Variants in PRPF6 observed in about 807,000 individuals in gnomAD.
PRPF6 encodes the protein pre-mRNA processing factor 6.
In PRPF6, 42 loss-of-function variants were observed where a neutral mutation model predicts 118.3. The observed-to-expected ratio is 0.35, with a 90% confidence interval of 0.28 to 0.46. PRPF6 has a LOEUF of 0.46. PRPF6 is among the 20% of genes least tolerant of loss of function. PRPF6 has a pLI of 1.00. For synonymous variants in PRPF6, 481 were observed against 485.1 expected, an observed-to-expected ratio of 0.99 and a Z score of 0.11; for missense variants, 662 against 1,255.7, an observed-to-expected ratio of 0.53 and a Z score of 7.15.
rs756778980 is a variant in PRPF6, at chr20:64,029,945, C to T, written c.2546+454C>T. Reference sequence around the variant, plus strand: ...ATGTGATTCACACTGGTGTGCTGGCCGCCGGGTCAGAGACTCACTGGGGAC... The same window carrying T: ...ATGTGATTCACACTGGTGTGCTGGCTGCCGGGTCAGAGACTCACTGGGGAC... On this transcript the variant is annotated intron_variant, in intron 19 of 20. Transcript: ENST00000266079. The surrounding 1 kb of genome is among the most constrained non-coding windows in gnomAD (Gnocchi z 4.8). 8.0e-5 allele frequency among the ~76,000 whole-genome samples: 12 copies of T among 150,384 alleles called. No individual in the cohort carries two copies. The highest frequency in any genetic ancestry group is 1.2e-4 in the Non-Finnish European group (8 of 67,686).
intron 1 of PRPF6, among the ~76,000 whole-genome samples, chr20:63,982,484 CAG>C (rs2059074889): frequency 6.6e-6 from 1 of 152,120 alleles, no homozygotes; most frequent in Non-Finnish European, 1.5e-5. Context: ...ATTTTTTACT[CAG>C]AGCTGTGTTT....
Position 64,026,077 on chromosome 20 carries a change from G to T in PRPF6, c.2028+19G>T. The T allele has an allele frequency of 1.2e-6, 2 of 1,600,290 alleles. No individual in the cohort carries two copies. The highest frequency in any genetic ancestry group is 8.5e-7 in the Non-Finnish European group (1 of 1,179,506). On this transcript the variant is annotated intron_variant, in intron 15 of 20. Coordinates refer to ENST00000266079, the MANE Select transcript of PRPF6 (RefSeq NM_012469.4). The surrounding 1 kb of genome is among the most constrained non-coding windows in gnomAD (Gnocchi z 4.4). ...CGCCCGGGTACGCAGTGGCAGGCAGGGCTGGGCCGTCTGGGGTGCATGGTG... is the reference window on the plus strand; with the variant it reads ...CGCCCGGGTACGCAGTGGCAGGCAGTGCTGGGCCGTCTGGGGTGCATGGTG...
rs2059290609 is a variant in PRPF6 at position 64,026,329 on chromosome 20, A to G, written c.2028+271A>G. On this transcript the variant is annotated intron_variant, in intron 15 of 20. Transcript: ENST00000266079. The surrounding 1 kb of genome is among the most constrained non-coding windows in gnomAD (Gnocchi z 4.4). The stretch of plus-strand genomic sequence containing the variant: ...TGAGACCAGCCTGACCAACATGGAG[A>G]AACCCCGTCTCTACTAAAAATACAA... Among the ~76,000 whole-genome samples the G allele has an allele frequency of 6.6e-6, 1 of 151,610 alleles. No homozygotes were observed.
rs569135893 is a variant in PRPF6 at position 63,993,260 on chromosome 20, G to A, written c.360-147G>A. ...TGTGTGTGTGTGTGTGTGTGTGTGT[G>A]TGTATATGTATATATATATATATAT... is the stretch of plus-strand genomic sequence containing the variant. On this transcript the variant is annotated intron_variant, in intron 3 of 20. Coordinates refer to ENST00000266079, the MANE Select transcript of PRPF6 (RefSeq NM_012469.4). 395 of 389,598 alleles carry A rather than the reference G, an allele frequency of 1.0e-3. 3 individuals carry two copies. Among genetic ancestry groups the A allele is most frequent in the South Asian group, 1.9e-3 (82 of 42,122 alleles). The allele number at this position is 389,598 out of a possible 1,614,324, so 24.1% of individuals were successfully genotyped here. A position where few individuals can be genotyped will look rare whatever the true frequency, so the allele number is the denominator to read the frequency against.
intron 9 of PRPF6, among the ~76,000 whole-genome samples, chr20:64,006,994 G>C (rs549383351): frequency 6.6e-6 from 1 of 152,242 alleles, no homozygotes; most frequent in Non-Finnish European, 1.5e-5. Flanking sequence ...AACCACAGCA[G>C]ACTTTTGTCT....
chr20:64,000,593 G>C (rs1369955745), intron 8 of PRPF6, among the ~76,000 whole-genome samples: 1 of 116,990 alleles, frequency 8.5e-6, no homozygotes, highest in South Asian at 2.8e-4. Flanking sequence ...CTTTTTTTTT[G>C]AGTCTCGCTC....
rs369979876 is a variant in PRPF6 at position 64,026,118 on chromosome 20, C to A, written c.2028+60C>A. The stretch of plus-strand genomic sequence containing the variant: ...GTGCATGGTGTGCACATGCGGGCCC[C>A]ACGCCTGGCTTGGGTGGTGATGGGA... On this transcript the variant is annotated intron_variant, in intron 15 of 20. Transcript: ENST00000266079. The surrounding 1 kb of genome is among the most constrained non-coding windows in gnomAD (Gnocchi z 4.4). The A allele has an allele frequency of 3.2e-3, 5,178 of 1,594,138 alleles. 167 individuals carry two copies. In the South Asian group the frequency reaches 0.048, roughly 15 times the overall value.
intron 19 of PRPF6, 135 bp from the exon 20 acceptor site, chr20:64,031,783 A>T: frequency 8.4e-6 from 10 of 1,194,592 alleles, no homozygotes; most frequent in Non-Finnish European, 1.1e-5. Flanking sequence ...CGAGGCCCTG[A>T]TCCTCAGGCC....
chr20:63,983,222 T>C lies in PRPF6; in HGVS notation c.240+7T>C, dbSNP rs750207863. On this transcript the variant is annotated splice_region_variant and intron_variant, in intron 2 of 20. Transcript: ENST00000266079. ...TGACACCAATTACGATGAGGTGAGATGTGTCCGGCTTTCGTGGCTCCTCCA... is the reference window on the plus strand; with the variant it reads ...TGACACCAATTACGATGAGGTGAGACGTGTCCGGCTTTCGTGGCTCCTCCA... 1.2e-6 allele frequency: 2 copies of C among 1,614,182 alleles called. No individual in the cohort carries two copies. The highest frequency in any genetic ancestry group is 2.7e-5 in the African/African-American group (2 of 75,060).
intron 3 of PRPF6, among the ~76,000 whole-genome samples, chr20:63,987,169 C>CAAAAAA (rs61702884): frequency 5.7e-5 from 3 of 52,450 alleles, no homozygotes; most frequent in Admixed American, 5.8e-4. Context: ...GACCCTGTCT[C>CAAAAAA]AAAAAAAAAA....
chr20:64,014,936 G>A (rs2059230626), intron 11 of PRPF6, among the ~76,000 whole-genome samples: 2 of 152,202 alleles, frequency 1.3e-5, no homozygotes, highest in South Asian at 2.1e-4. Context: ...GGAATCACAC[G>A]ACACGTGGTC....
chr20:63,988,727 G>C (rs1038274762), intron 3 of PRPF6, among the ~76,000 whole-genome samples: 1 of 151,812 alleles, frequency 6.6e-6, no homozygotes, highest in African/African-American at 2.4e-5. Flanking sequence ...AAATTAGTTG[G>C]GCATGGTGAC....
intron 13 of PRPF6, among the ~76,000 whole-genome samples, chr20:64,023,123 G>A (rs1412474095): frequency 2.6e-5 from 4 of 152,328 alleles, no homozygotes; most frequent in African/African-American, 4.8e-5. Flanking sequence ...CCGGGGGCCC[G>A]TCCTGCTAAG....
rs1306196291 is a variant in PRPF6, at chr20:63,983,183, G to A, written c.208G>A (p.Asp70Asn). ...MKKNQAADDD[D>N]EDLNDTNYDE... ...GAAAAATCAGGCTGCTGACGATGAC[G>A]ACGAGGATCTAAATGACACCAATTA... The change falls in exon 2 of 21, where the codon GAC becomes AAC. Residue 70 changes from aspartate to asparagine, a missense_variant. Asp to Asn is a conservative substitution (Grantham distance 23). Coordinates refer to ENST00000266079, the MANE Select transcript of PRPF6 (RefSeq NM_012469.4). The A allele has an allele frequency of 1.9e-6, 3 of 1,614,106 alleles. No homozygotes were observed. Among genetic ancestry groups the A allele is most frequent in the African/African-American group, 1.3e-5 (1 of 74,938 alleles).
chr20:63,986,293 C>T (rs1024708838), intron 3 of PRPF6, among the ~76,000 whole-genome samples: 5 of 140,464 alleles, frequency 3.6e-5, no homozygotes, highest in African/African-American at 8.1e-5. Context: ...TGCAGTGAGC[C>T]GAGGTCACAA....
intron 1 of PRPF6, among the ~76,000 whole-genome samples, chr20:63,982,415 C>T (rs1465382066): frequency 6.6e-6 from 1 of 152,158 alleles, no homozygotes; most frequent in Non-Finnish European, 1.5e-5. Flanking sequence ...CATGATCCAC[C>T]CGCCTCCGTC....
At chr20:64,009,253 C>T (rs2059203644) in intron 9 of PRPF6, among the ~76,000 whole-genome samples, 2 of 141,214 alleles carry the variant, frequency 1.4e-5, no homozygotes, top group African/African-American at 2.7e-5. Flanking sequence ...TGCACTCCAG[C>T]CTGGCGACAG....
At chr20:64,017,067 C>G (rs756152616) in intron 12 of PRPF6, among the ~76,000 whole-genome samples, 2 of 152,124 alleles carry the variant, frequency 1.3e-5, no homozygotes, top group Non-Finnish European at 1.5e-5. Flanking sequence ...CTCAGCCTCC[C>G]GAGTAGCTGG....
chr20:63,981,284 G>A lies in PRPF6; in HGVS notation c.39G>A (p.Ala13=), dbSNP rs1292973900. The A allele has an allele frequency of 1.9e-6, 3 of 1,607,592 alleles. No individual in the cohort carries two copies. The highest frequency in any genetic ancestry group is 2.5e-6 in the Non-Finnish European group (3 of 1,177,196). ...AGAAACCGTTCCTAGGGATGCCCGCGCCCCTCGGCTACGTGCCGGGGCTGG... is the reference window on the plus strand; with the variant it reads ...AGAAACCGTTCCTAGGGATGCCCGCACCCCTCGGCTACGTGCCGGGGCTGG... ...KKKKPFLGMP[A]PLGYVPGLGR... Residue 13 remains alanine (A), a synonymous_variant, in exon 1 of 21, where the codon GCG becomes GCA. Transcript: ENST00000266079.
Sources: allele counts gnomAD v4.1 joint callset (sites outside exome capture counted in the v4.1 genomes callset), GRCh38; gene constraint gnomAD v4.1.1; non-coding constraint Gnocchi (gnomAD v3.1); transcripts MANE v1.5; gene names NCBI Gene and HGNC (gene_info 2026-07-23, HGNC 2026-07-21).